FBXO46: variants seen among roughly 807,000 people sequenced by gnomAD.
FBXO46 encodes the protein F-box protein 46, also known as F-box only protein 46.
A neutral mutation model predicts 30.7 loss-of-function variants in FBXO46; 13 were observed. The ratio of observed to expected loss-of-function variants is 0.42; its 90% CI spans 0.28 to 0.67. The LOEUF (loss-of-function observed/expected upper bound fraction) is 0.67, where lower values mean the gene tolerates loss of function less well. FBXO46 is among the 30% of genes least tolerant of loss of function. FBXO46 has a pLI of 0.21. For synonymous variants in FBXO46, 467 were observed against 385.8 expected, an observed-to-expected ratio of 1.21 and a Z score of -2.47; for missense variants, 754 against 871.5, an observed-to-expected ratio of 0.87 and a Z score of 1.70.
Position 45,721,782 on chromosome 19 carries a change from G to A in FBXO46, c.-78-8209C>T, listed in dbSNP as rs77226499. On this transcript the variant is annotated intron_variant, in intron 1 of 1. Transcript: ENST00000317683. The stretch of plus-strand genomic sequence containing the variant: ...AGGATGGTCTCGGTCTCCTGACCTC[G>A]TGATCCACCCAAAGTGCTGGGATTA... 2.0e-3 allele frequency among the ~76,000 whole-genome samples: 303 copies of A among 150,728 alleles called. 6 individuals carry two copies. The East Asian group carries it at 0.028, about 14-fold the overall frequency.
At position 45,710,768 on chromosome 19, in the gene FBXO46, T is replaced by A. The variant is rs1385379968; in HGVS notation, c.*916A>T. ...CAAACAAAAATACCCCAGACCAAAATGCCTGAAAAATCAAGGTCCTGGTTG... is the reference window on the plus strand; with the variant it reads ...CAAACAAAAATACCCCAGACCAAAAAGCCTGAAAAATCAAGGTCCTGGTTG... On this transcript the variant is annotated 3_prime_UTR_variant, in exon 2 of 2. Coordinates refer to ENST00000317683, the MANE Select transcript of FBXO46 (RefSeq NM_001080469.2). 1 of 152,326 alleles carries A rather than the reference T, an allele frequency of 6.6e-6. No individual in the cohort carries two copies. Among genetic ancestry groups the A allele is most frequent in the African/African-American group, 2.4e-5 (1 of 41,366 alleles). The allele number at this position is 152,326 out of a possible 1,614,324, so 9.4% of individuals were successfully genotyped here.
chr19:45,721,836 C>A (rs1968176936), intron 1 of FBXO46, among the ~76,000 whole-genome samples: 1 of 151,534 alleles, frequency 6.6e-6, no homozygotes, highest in Non-Finnish European at 1.5e-5. Flanking sequence ...CCCGGCACCA[C>A]CCCACCCTTT....
chr19:45,715,992 A>G (rs1165122831), intron 1 of FBXO46: 1 of 152,072 alleles, frequency 6.6e-6, no homozygotes, highest in Admixed American at 6.6e-5. Flanking sequence ...AGTGTTAAAA[A>G]TATCACTCCA....
At chr19:45,729,389 C>T (rs1968279534) in intron 1 of FBXO46, among the ~76,000 whole-genome samples, 1 of 152,234 alleles carries the variant, frequency 6.6e-6, no homozygotes, top group South Asian at 2.1e-4. Context: ...CATACCACTG[C>T]ACTCCAGCCT....
chr19:45,732,698 C>T (rs996182537), upstream of FBXO46, among the ~76,000 whole-genome samples: 1 of 140,246 alleles, frequency 7.1e-6, no homozygotes, highest in Non-Finnish European at 1.5e-5. Flanking sequence ...TCAAATGATT[C>T]TCCTGCCTCA....
At chr19:45,717,594 A>G (rs1968115474) in intron 1 of FBXO46, among the ~76,000 whole-genome samples, 1 of 152,154 alleles carries the variant, frequency 6.6e-6, no homozygotes, top group Non-Finnish European at 1.5e-5. Context: ...CGTCCAGCTA[A>G]ACGGAACAAG....
chr19:45,728,566 T>C (rs1968268530), intron 1 of FBXO46, among the ~76,000 whole-genome samples: 1 of 152,200 alleles, frequency 6.6e-6, no homozygotes, highest in Admixed American at 6.5e-5. Flanking sequence ...CCAGGCGTGG[T>C]GGCTCACGCC....
In FBXO46 at chr19:45,711,817, C is replaced by T. The variant is rs1967974997; in HGVS notation, c.1679G>A (p.Arg560His). Reference sequence around the variant, plus strand: ...TCGACGGCAGCACATCCAGTAGGAACGTCCGTAAGGCAGGTCATGGTGGTA... The same window carrying T: ...TCGACGGCAGCACATCCAGTAGGAATGTCCGTAAGGCAGGTCATGGTGGTA... ...KPYHHDLPYG[R>H]SYWMCCRRAD... is the part of the protein sequence containing the mutation. Residue 560 changes from arginine to histidine, a missense_variant, in exon 2 of 2, where the codon CGT becomes CAT. This residue lies in a region of FBXO46 where 162 missense variants were observed against 258.7 expected (regional missense o/e 0.63). Coordinates refer to ENST00000317683, the MANE Select transcript of FBXO46 (RefSeq NM_001080469.2). The T allele has an allele frequency of 1.9e-6, 3 of 1,612,932 alleles. No homozygotes were observed. Among genetic ancestry groups the T allele is most frequent in the South Asian group, 2.2e-5 (2 of 91,042 alleles).
intron 1 of FBXO46, among the ~76,000 whole-genome samples, chr19:45,720,040 T>C (rs978381600): frequency 1.3e-5 from 2 of 152,188 alleles, no homozygotes; most frequent in Non-Finnish European, 2.9e-5. Context: ...ATGGTCTCAC[T>C]GTCACCCAGG....
At chr19:45,714,926 G>A (rs1231040604) in intron 1 of FBXO46, 2 of 152,098 alleles carry the variant, frequency 1.3e-5, no homozygotes, top group Non-Finnish European at 2.9e-5. Flanking sequence ...AAGAAAACAC[G>A]AGGGTGCCTG....
At chr19:45,730,236 T>C (rs190677049) in intron 1 of FBXO46, among the ~76,000 whole-genome samples, 1 of 152,242 alleles carries the variant, frequency 6.6e-6, no homozygotes, top group East Asian at 1.9e-4. Flanking sequence ...TCTGGCCGTA[T>C]TATCCTACAG....
upstream of FBXO46, among the ~76,000 whole-genome samples, chr19:45,732,558 A>ATC (rs1329184496): frequency 7.6e-6 from 1 of 131,982 alleles, no homozygotes; most frequent in Non-Finnish European, 1.6e-5. Context: ...AAAAGCCCAA[A>ATC]TCTTTTATTC....
chr19:45,721,553 C>T lies in FBXO46; in HGVS notation c.-78-7980G>A, dbSNP rs1968170771. 3.6e-5 allele frequency among the ~76,000 whole-genome samples: 4 copies of T among 110,770 alleles called. 1 individual carries two copies. The highest frequency in any genetic ancestry group is 1.1e-4 in the African/African-American group (3 of 27,314). The allele number at this position is 110,770 out of a possible 152,430, so 72.7% of individuals were successfully genotyped here. On this transcript the variant is annotated intron_variant, in intron 1 of 1. Transcript: ENST00000317683. ...CAGGGTTTCGTTCCTGGTCCTGTTCCTTTTTTTTTTTTTTTTTTTGACAGG... is the reference window on the plus strand; with the variant it reads ...CAGGGTTTCGTTCCTGGTCCTGTTCTTTTTTTTTTTTTTTTTTTTGACAGG...
At chr19:45,714,455 CA>C (rs1221033400) in intron 1 of FBXO46, 1 of 151,844 alleles carries the variant, frequency 6.6e-6, no homozygotes, top group African/African-American at 2.4e-5. Flanking sequence ...CACACCCTTG[CA>C]AAGACAGTAC....
chr19:45,718,770 C>G (rs925518738), intron 1 of FBXO46, among the ~76,000 whole-genome samples: 5 of 151,816 alleles, frequency 3.3e-5, no homozygotes, highest in Admixed American at 1.3e-4. Context: ...CTAACTCCCC[C>G]ACACTGAGCC....
In FBXO46 at chr19:45,711,919, C is replaced by A; in HGVS notation, c.1577G>T (p.Arg526Leu). ...DSRWSRDPLY[R>L]DDPCKQCRKR... ...GCGGCACTGTTTGCACGGATCATCG[C>A]GGTAGAGCGGGTCTCGGCTCCAGCG... Residue 526 changes from arginine (R) to leucine (L), a missense_variant, in exon 2 of 2, where the codon CGC (arginine) becomes CTC (leucine). Arg to Leu is a moderately radical substitution (Grantham distance 102). Around this residue, in one of 5 missense-constraint regions of FBXO46, gnomAD observed 162 missense variants for 258.7 expected, o/e 0.63. Coordinates refer to ENST00000317683, the MANE Select transcript of FBXO46 (RefSeq NM_001080469.2). 1 of 1,613,604 alleles carries A rather than the reference C, an allele frequency of 6.2e-7. No homozygotes were observed. Among genetic ancestry groups the A allele is most frequent in the Non-Finnish European group, 8.5e-7 (1 of 1,179,826 alleles).
intron 1 of FBXO46, among the ~76,000 whole-genome samples, chr19:45,718,989 G>A (rs1438041278): frequency 6.7e-6 from 1 of 149,892 alleles, no homozygotes; most frequent in Non-Finnish European, 1.5e-5. Flanking sequence ...GCTCACACCT[G>A]TAATCCCAGC....
chr19:45,720,851 T>A (rs1968160357), intron 1 of FBXO46, among the ~76,000 whole-genome samples: 1 of 151,762 alleles, frequency 6.6e-6, no homozygotes, highest in South Asian at 2.1e-4. Context: ...CTCACACCTG[T>A]AATGTGGTGG....
In FBXO46 at chr19:45,718,849, T is replaced by C. The variant is rs765170620; in HGVS notation, c.-78-5276A>G. Among the ~76,000 whole-genome samples, 6 of 151,370 alleles carry C rather than the reference T, an allele frequency of 4.0e-5. No homozygotes were observed. In the South Asian group the frequency reaches 6.2e-4, roughly 16 times the overall value. ...ATGAAAATCTATTCATTGTAAAACA[T>C]TGTGAACCAAAAATATGGAAAATCA... On this transcript the variant is annotated intron_variant, in intron 1 of 1. Transcript: ENST00000317683.
Sources: gnomAD v4.1 joint callset for allele counts (sites outside exome capture counted in the v4.1 genomes callset) on GRCh38, gnomAD v4.1.1 for gene constraint, gnomAD v4.1.1 regional missense constraint, MANE v1.5 for transcripts, NCBI Gene and HGNC (gene_info 2026-07-23, HGNC 2026-07-21) for gene names.